The following GPHN variants were observed in gnomAD, a reference collection of about 807,000 sequenced individuals.
GPHN encodes gephyrin.
GPHN carries 17 observed loss-of-function variants against 95.5 expected under a neutral mutation model. That is an observed-to-expected ratio of 0.18 (90% confidence interval 0.12 to 0.27). The LOEUF is 0.27. Among genes scored for constraint, GPHN ranks in the 10% least tolerant of loss-of-function variants. The pLI, the probability that GPHN is intolerant of heterozygous loss-of-function variation, is 1.00. For synonymous variants in GPHN, 320 were observed against 322.5 expected, an observed-to-expected ratio of 0.99 and a Z score of 0.08; for missense variants, 660 against 978.1, an observed-to-expected ratio of 0.67 and a Z score of 4.34.
chr14:67,575,374 T>C, the GPHN span: 1 of 1,537,372 alleles, frequency 6.5e-7, no homozygotes, highest in Non-Finnish European at 8.9e-7. Flanking sequence ...ATAATGCCAG[T>C]TCATTTCTGT....
At chr14:66,582,839 A>G (rs1041712046) in intron 1 of GPHN, among the ~76,000 whole-genome samples, 1 of 152,160 alleles carries the variant, frequency 6.6e-6, no homozygotes, top group African/African-American at 2.4e-5. Context: ...GTGCCGCAAT[A>G]AACATACATG....
the GPHN span, among the ~76,000 whole-genome samples, chr14:67,507,930 G>A: frequency 7.3e-4 from 111 of 152,250 alleles, 3 homozygotes; most frequent in South Asian, 0.022. Context: ...CCTGAGGTTG[G>A]GAGTTCCAGA....
the GPHN span, among the ~76,000 whole-genome samples, chr14:67,457,214 G>A: frequency 1.5e-4 from 23 of 152,164 alleles, 2 homozygotes; most frequent in Middle Eastern, 3.4e-3. Flanking sequence ...TAATCTATAC[G>A]CCAAACCCTC....
chr14:66,777,121 T>C (rs1026506430), intron 3 of GPHN, among the ~76,000 whole-genome samples: 1 of 145,834 alleles, frequency 6.9e-6, no homozygotes, highest in Non-Finnish European at 1.5e-5. Context: ...ATAGACGCAA[T>C]AAAAAATGAT....
At chr14:66,735,196 CTTT>C (rs1294572213) in intron 2 of GPHN, among the ~76,000 whole-genome samples, 1 of 152,096 alleles carries the variant, frequency 6.6e-6, no homozygotes, top group Non-Finnish European at 1.5e-5. Context: ...ATACCATAGG[CTTT>C]TTTTAAATTT....
the GPHN span, among the ~76,000 whole-genome samples, chr14:67,253,963 G>T: frequency 0.15 from 19,889 of 136,314 alleles, 2,739 homozygotes; most frequent in East Asian, 0.41. Flanking sequence ...ATTTTGTTTT[G>T]TTTTTTTTTT....
chr14:66,880,883 T>C (rs1298881055), intron 5 of GPHN, among the ~76,000 whole-genome samples: 28 of 151,986 alleles, frequency 1.8e-4, no homozygotes. Flanking sequence ...AAGTTAAAGA[T>C]AGAAGTGTCA....
At chr14:67,576,528 C>A in the GPHN span, 1 of 1,178,938 alleles carries the variant, frequency 8.5e-7, no homozygotes, top group Non-Finnish European at 1.3e-6. The surrounding 1 kb of genome is among the most constrained non-coding windows in gnomAD (Gnocchi z 4.0). Context: ...GCCACCACTG[C>A]TTGGGTTGGA....
chr14:66,753,658 G>T (rs1270726915), intron 2 of GPHN, among the ~76,000 whole-genome samples: 1 of 151,880 alleles, frequency 6.6e-6, no homozygotes, highest in African/African-American at 2.4e-5. Context: ...CAGCAATCAC[G>T]CAGCTAGAAA....
At chr14:67,300,061 G>A in the GPHN span, among the ~76,000 whole-genome samples, 29 of 152,246 alleles carry the variant, frequency 1.9e-4, 2 homozygotes, top group African/African-American at 6.5e-4. Flanking sequence ...CTTGTCCATT[G>A]TAAGATTTTA....
the GPHN span, among the ~76,000 whole-genome samples, chr14:67,540,990 A>AT: frequency 2.0e-5 from 3 of 152,064 alleles, no homozygotes; most frequent in Non-Finnish European, 4.4e-5. Context: ...ATTTGTACAA[A>AT]TTTTTTTCCC....
At chr14:66,751,821 C>T (rs1284819351) in intron 2 of GPHN, among the ~76,000 whole-genome samples, 1 of 152,026 alleles carries the variant, frequency 6.6e-6, no homozygotes, top group Non-Finnish European at 1.5e-5. Flanking sequence ...TCAACCTGTC[C>T]TGTGAAGCTT....
intron 1 of GPHN, among the ~76,000 whole-genome samples, chr14:66,539,959 T>C (rs914755000): frequency 2.0e-5 from 3 of 152,228 alleles, no homozygotes; most frequent in African/African-American, 7.2e-5. Flanking sequence ...AGCATTAAAA[T>C]AACTGCTGTC....
chr14:67,438,088 C>A, the GPHN span, among the ~76,000 whole-genome samples: 1 of 152,116 alleles, frequency 6.6e-6, no homozygotes. Context: ...CCAGCTGTCA[C>A]CCCCCTCCCA....
In GPHN at chr14:66,511,379, G is replaced by A. The variant is rs147739575; in HGVS notation, c.64+2788G>A. 8.0e-3 allele frequency among the ~76,000 whole-genome samples: 1,213 copies of A among 152,198 alleles called. 11 individuals are homozygous for A. The highest frequency in any genetic ancestry group is 0.013 in the Non-Finnish European group (871 of 67,960). ...AATTATTATTTGTGGCTCTTAAAAGGTGGAGGGTCTCTTTTAGAAAATCTC... is the reference window on the plus strand; with the variant it reads ...AATTATTATTTGTGGCTCTTAAAAGATGGAGGGTCTCTTTTAGAAAATCTC... On this transcript the variant is annotated intron_variant, in intron 1 of 22. Transcript: ENST00000478722.
chr14:67,127,163 T>C (rs1394478349), intron 17 of GPHN, among the ~76,000 whole-genome samples: 2 of 149,942 alleles, frequency 1.3e-5, no homozygotes, highest in Non-Finnish European at 1.5e-5. Flanking sequence ...AGAAGACGAG[T>C]TAGTGGGTGC....
intron 1 of GPHN, among the ~76,000 whole-genome samples, chr14:66,598,348 G>T (rs2062070943): frequency 6.6e-6 from 1 of 151,872 alleles, no homozygotes; most frequent in South Asian, 2.1e-4. Flanking sequence ...CATTCTACAG[G>T]TATCAAAGCA....
the GPHN span, chr14:67,646,512 G>C: frequency 2.4e-4 from 164 of 676,096 alleles, no homozygotes; most frequent in African/African-American, 2.8e-3. Flanking sequence ...GATCAAGTGT[G>C]TCCTGTGTTG....
intron 9 of GPHN, among the ~76,000 whole-genome samples, chr14:67,014,162 A>G (rs558094535): frequency 6.6e-6 from 1 of 152,252 alleles, no homozygotes; most frequent in African/African-American, 2.4e-5. Context: ...AAAGGATAAT[A>G]GTAGGAACAA....
Sources: gnomAD v4.1 joint callset for allele counts (sites outside exome capture counted in the v4.1 genomes callset) on GRCh38, gnomAD v4.1.1 for gene constraint, Gnocchi (gnomAD v3.1) non-coding constraint, MANE v1.5 for transcripts, NCBI Gene and HGNC (gene_info 2026-07-23, HGNC 2026-07-21) for gene names.